Variants in OPCML observed in about 807,000 individuals in gnomAD.
OPCML encodes the protein opioid-binding protein/cell adhesion molecule.
In OPCML, 13 loss-of-function variants were observed where a neutral mutation model predicts 37.8. The ratio of observed to expected loss-of-function variants is 0.34; its 90% CI spans 0.22 to 0.55. The LOEUF is 0.55. OPCML is among the 20% of genes least tolerant of loss of function. The pLI is 0.91. For synonymous variants in OPCML, 176 were observed against 168.8 expected, an observed-to-expected ratio of 1.04 and a Z score of -0.33; for missense variants, 341 against 435.6, an observed-to-expected ratio of 0.78 and a Z score of 1.93.
intron 1 of OPCML, among the ~76,000 whole-genome samples, chr11:133,020,139 C>G (rs576351692): frequency 5.9e-5 from 9 of 152,204 alleles, no homozygotes; most frequent in Admixed American, 5.9e-4. Flanking sequence ...TGCAGTCACT[C>G]GCCTGTAATC....
At chr11:133,008,637 T>G (rs1947157968) in intron 1 of OPCML, among the ~76,000 whole-genome samples, 1 of 152,190 alleles carries the variant, frequency 6.6e-6, no homozygotes, top group Admixed American at 6.5e-5. Flanking sequence ...TAGGGCTATA[T>G]GGGAGTGGAA....
At chr11:133,089,539 A>C (rs948455359) in intron 1 of OPCML, among the ~76,000 whole-genome samples, 1 of 152,212 alleles carries the variant, frequency 6.6e-6, no homozygotes, top group African/African-American at 2.4e-5. Flanking sequence ...TGCTAAAGGC[A>C]AAACAAAAGG....
At chr11:133,041,980 T>A (rs1019783678) in intron 1 of OPCML, among the ~76,000 whole-genome samples, 1 of 152,114 alleles carries the variant, frequency 6.6e-6, no homozygotes, top group Non-Finnish European at 1.5e-5. Flanking sequence ...TCCAGTCCTG[T>A]TGGCAAACGA....
intron 2 of OPCML, among the ~76,000 whole-genome samples, chr11:132,847,718 C>T (rs1506876): frequency 0.62 from 93,925 of 152,028 alleles, 29,350 homozygotes; most frequent in East Asian, 0.76. Flanking sequence ...TTTTGAAGTA[C>T]AGTCTTTGGA....
At chr11:132,757,027 A>G (rs1946074772) in intron 2 of OPCML, among the ~76,000 whole-genome samples, 1 of 151,926 alleles carries the variant, frequency 6.6e-6, no homozygotes, top group Non-Finnish European at 1.5e-5. Context: ...TTCAACTCCC[A>G]CTTATGAGTG....
intron 1 of OPCML, among the ~76,000 whole-genome samples, chr11:133,496,937 A>G (rs1947799963): frequency 6.6e-6 from 1 of 152,188 alleles, no homozygotes; most frequent in South Asian, 2.1e-4. Flanking sequence ...CCAGTACTAT[A>G]TTGAAGAGGA....
intron 1 of OPCML, among the ~76,000 whole-genome samples, chr11:132,997,192 C>T (rs755211867): frequency 1.3e-5 from 2 of 152,172 alleles, no homozygotes; most frequent in East Asian, 1.9e-4. Context: ...CCTGTGCCCT[C>T]GCCCTCACAC....
At chr11:133,013,410 A>T (rs1947259748) in intron 1 of OPCML, among the ~76,000 whole-genome samples, 1 of 152,238 alleles carries the variant, frequency 6.6e-6, no homozygotes, top group Non-Finnish European at 1.5e-5. Flanking sequence ...AATGAAACTC[A>T]GTACCGCATA....
At chr11:132,952,313 A>T (rs1474674638) in intron 1 of OPCML, among the ~76,000 whole-genome samples, 1 of 152,164 alleles carries the variant, frequency 6.6e-6, no homozygotes, top group African/African-American at 2.4e-5. Flanking sequence ...TTTTTAGGCT[A>T]AGAAAGTCAC....
At chr11:132,764,691 A>G (rs1946377793) in intron 2 of OPCML, among the ~76,000 whole-genome samples, 1 of 152,182 alleles carries the variant, frequency 6.6e-6, no homozygotes, top group East Asian at 1.9e-4. Flanking sequence ...CCTCTGTTCC[A>G]CTGAGCAGAA....
chr11:133,125,052 C>T (rs1379064869), intron 1 of OPCML, among the ~76,000 whole-genome samples: 2 of 152,110 alleles, frequency 1.3e-5, no homozygotes, highest in African/African-American at 4.8e-5. Flanking sequence ...CCCCATTGTC[C>T]AGGCAACCGT....
chr11:133,118,521 G>A lies in OPCML; in HGVS notation c.62-175511C>T, dbSNP rs535511278. The A allele has an allele frequency of 1.5e-4, 95 of 639,136 alleles. No individual in the cohort carries two copies. The Middle Eastern group carries it at 6.2e-3, about 42-fold the overall frequency. The allele number at this position is 639,136 out of a possible 1,614,324, so 39.6% of individuals were successfully genotyped here. On this transcript the variant is annotated intron_variant, in intron 1 of 7. Transcript: ENST00000524381. The stretch of plus-strand genomic sequence containing the variant: ...ACAGGATGGAGAGAATTGCTCAGTA[G>A]CAAGACTCATGGAGACATGGAAGTC...
rs76392079 is a variant in OPCML at position 133,169,604 on chromosome 11, G to T, written c.62-226594C>A. Among the ~76,000 whole-genome samples the T allele has an allele frequency of 7.8e-3, 1,184 of 152,152 alleles. 21 individuals carry two copies. Among genetic ancestry groups the T allele is most frequent in the African/African-American group, 0.027 (1,111 of 41,492 alleles). ...TTGCAAAAGCCTGGGATATAGAAGC[G>T]AAAACAAAACAAAAAATTATTCCAG... On this transcript the variant is annotated intron_variant, in intron 1 of 7. Coordinates refer to ENST00000524381, the MANE Select transcript of OPCML (RefSeq NM_001012393.5).
intron 3 of OPCML, among the ~76,000 whole-genome samples, chr11:132,576,393 T>A (rs899565711): frequency 2.6e-5 from 4 of 152,086 alleles, no homozygotes; most frequent in African/African-American, 7.2e-5. Context: ...ATCCTTTTTT[T>A]TTTCTGCTTG....
chr11:133,134,710 G>GC (rs1390712107), intron 1 of OPCML, among the ~76,000 whole-genome samples: 1 of 152,128 alleles, frequency 6.6e-6, no homozygotes, highest in Non-Finnish European at 1.5e-5. Flanking sequence ...AAGGAGCCCA[G>GC]CCCACATCAA....
At chr11:133,072,662 G>C (rs995257687) in intron 1 of OPCML, among the ~76,000 whole-genome samples, 5 of 152,184 alleles carry the variant, frequency 3.3e-5, no homozygotes, top group Non-Finnish European at 7.3e-5. Context: ...CTACGTATTG[G>C]AGAGGAGTTC....
intron 1 of OPCML, among the ~76,000 whole-genome samples, chr11:133,286,983 G>T (rs899148159): frequency 6.6e-6 from 1 of 152,172 alleles, no homozygotes; most frequent in Non-Finnish European, 1.5e-5. Flanking sequence ...TATCTTCTGC[G>T]CACTGCCTGG....
intron 2 of OPCML, among the ~76,000 whole-genome samples, chr11:132,884,892 G>A (rs1443645054): frequency 6.6e-6 from 1 of 152,164 alleles, no homozygotes; most frequent in Non-Finnish European, 1.5e-5. Context: ...TTTCCCATAG[G>A]AGACCGTTGC....
intron 2 of OPCML, among the ~76,000 whole-genome samples, chr11:132,765,464 T>A (rs1946405838): frequency 6.6e-6 from 1 of 152,226 alleles, no homozygotes; most frequent in Non-Finnish European, 1.5e-5. Flanking sequence ...TGGCTCTCCA[T>A]GTAAATACCG....
Sources: gnomAD v4.1 joint callset for allele counts (sites outside exome capture counted in the v4.1 genomes callset) on GRCh38, gnomAD v4.1.1 for gene constraint, MANE v1.5 for transcripts, NCBI Gene and HGNC (gene_info 2026-07-23, HGNC 2026-07-21) for gene names.